The following CCDC180 variants were observed in gnomAD, a reference collection of about 807,000 sequenced individuals.
CCDC180 encodes coiled-coil domain-containing protein 180.
In CCDC180, 154 loss-of-function variants were observed where a neutral mutation model predicts 209.2. That is an observed-to-expected ratio of 0.74 (90% CI 0.65 to 0.84). The LOEUF (loss-of-function observed/expected upper bound fraction) is 0.84, where lower values mean the gene tolerates loss of function less well. Among genes scored for constraint, CCDC180 ranks in the 40% least tolerant of loss-of-function variants. The pLI, the probability that CCDC180 is intolerant of heterozygous loss-of-function variation, is 0.00. For synonymous variants in CCDC180, 778 were observed against 749.1 expected (o/e 1.04, Z -0.63); for missense variants, 1,874 against 1,997.3 (o/e 0.94, Z 1.18).
At chr9:97,349,570 T>C (rs148592816) in intron 21 of CCDC180, among the ~76,000 whole-genome samples, 1 of 152,198 alleles carries the variant, frequency 6.6e-6, no homozygotes, top group African/African-American at 2.4e-5. Context: ...GGAAGACCAC[T>C]TCCCCTCAGG....
At chr9:97,310,796 C>T (rs569142939) in intron 3 of CCDC180, among the ~76,000 whole-genome samples, 3 of 152,308 alleles carry the variant, frequency 2.0e-5, no homozygotes, top group Non-Finnish European at 2.9e-5. Context: ...GCTCTGAACT[C>T]CCAACAGATA....
chr9:97,309,634 A>G (rs1223643953), intron 3 of CCDC180, 30 bp downstream of exon 3: 1 of 1,496,188 alleles, frequency 6.7e-7, no homozygotes, highest in Non-Finnish European at 8.9e-7. Flanking sequence ...CCTCACCCCC[A>G]TGCACTAGGG....
Position 97,355,021 on chromosome 9 carries a change from C to G in CCDC180, c.3264+13C>G, listed in dbSNP as rs369365994. On this transcript the variant is annotated intron_variant, in intron 24 of 36. Coordinates refer to ENST00000529487, the MANE Select transcript of CCDC180 (RefSeq NM_020893.6). ...AATCAAGTGCCAGGTAGGATAGATT[C>G]ATTCTTCATCAAGGATCTTTATCAC... is the stretch of plus-strand genomic sequence containing the variant. The G allele has an allele frequency of 1.3e-6, 2 of 1,534,976 alleles. No individual in the cohort carries two copies. Among genetic ancestry groups the G allele is most frequent in the South Asian group, 1.1e-5 (1 of 89,398 alleles).
In CCDC180 at chr9:97,314,859, C is replaced by T. The variant is rs774570090; in HGVS notation, c.708C>T (p.Ser236=). ...TGCCTTGTCATTTCTAGCTAAAAAG[C>T]GTGTTGAAGAAATATGCAGAAGTCA... is the stretch of plus-strand genomic sequence containing the variant. ...LEFSRTDKLK[S]VLKKYAEVIE... is the part of the protein sequence containing the mutation. Residue 236 remains serine (S), a synonymous_variant, in exon 8 of 37, where the codon AGC becomes AGT. Transcript: ENST00000529487. 3.7e-6 allele frequency: 6 copies of T among 1,613,290 alleles called. No individual in the cohort carries two copies. The highest frequency in any genetic ancestry group is 1.1e-5 in the South Asian group (1 of 91,062).
At position 97,366,121 on chromosome 9, in the gene CCDC180, A is replaced by G. The variant is rs1368530098; in HGVS notation, c.4047+382A>G. Among the ~76,000 whole-genome samples, 12 of 152,198 alleles carry G rather than the reference A, an allele frequency of 7.9e-5. No individual in the cohort carries two copies. The East Asian group carries it at 2.3e-3, about 29-fold the overall frequency. ...AAGCTGCCCAGTGCCCTGTTCCCACATGCCCTGCACCGTAGTGCGAGTGCC... is the reference window on the plus strand; with the variant it reads ...AAGCTGCCCAGTGCCCTGTTCCCACGTGCCCTGCACCGTAGTGCGAGTGCC... On this transcript the variant is annotated intron_variant, in intron 30 of 36. Coordinates refer to ENST00000529487, the MANE Select transcript of CCDC180 (RefSeq NM_020893.6). This position sits in a 1 kb window ranked among gnomAD's most constrained non-coding sequence, Gnocchi z 4.3.
chr9:97,355,554 G>C (rs1826556692), intron 24 of CCDC180, among the ~76,000 whole-genome samples: 1 of 152,210 alleles, frequency 6.6e-6, no homozygotes, highest in Non-Finnish European at 1.5e-5. Context: ...GTCCTCACAA[G>C]AACTATAGGA....
At position 97,326,091 on chromosome 9, in the gene CCDC180, G is replaced by A. The variant is rs1833523761; in HGVS notation, c.1546-463G>A. Among the ~76,000 whole-genome samples, 3 of 152,190 alleles carry A rather than the reference G, an allele frequency of 2.0e-5. No homozygotes were observed. In the South Asian group the frequency reaches 6.2e-4, roughly 31 times the overall value. On this transcript the variant is annotated intron_variant, in intron 14 of 36. Coordinates refer to ENST00000529487, the MANE Select transcript of CCDC180 (RefSeq NM_020893.6). ...ATGTAGCAAATTGTGCACGTGTTGG[G>A]AATCATTTCAAAGCTCCATAACTGG... is the stretch of plus-strand genomic sequence containing the variant.
chr9:97,354,664 G>A lies in CCDC180; in HGVS notation c.3098G>A (p.Ser1033Asn), dbSNP rs1826521923. 2 of 1,614,232 alleles carry A rather than the reference G, an allele frequency of 1.2e-6. No individual in the cohort carries two copies. Among genetic ancestry groups the A allele is most frequent in the Non-Finnish European group, 8.5e-7 (1 of 1,180,044 alleles). ...GCTGCCCGGATAGAGTTGGTTGAAA[G>A]TGTCATCATGCTCAACATGGAGAAG... ...KEAARIELVE[S>N]VIMLNMEKLE... The change falls in exon 23 of 37, where the codon AGT becomes AAT. Residue 1033 changes from serine (S) to asparagine (N), a missense_variant. Coordinates refer to ENST00000529487, the MANE Select transcript of CCDC180 (RefSeq NM_020893.6).
chr9:97,321,522 G>T (rs978315865), intron 11 of CCDC180, among the ~76,000 whole-genome samples: 2 of 152,186 alleles, frequency 1.3e-5, no homozygotes, highest in African/African-American at 4.8e-5. Context: ...ACCTGCCATT[G>T]CTTCTAGGGC....
chr9:97,342,789 A>G (rs1826125772), intron 18 of CCDC180, among the ~76,000 whole-genome samples: 1 of 152,200 alleles, frequency 6.6e-6, no homozygotes, highest in Non-Finnish European at 1.5e-5. Flanking sequence ...CAAAAGCTCC[A>G]TATTCAAGCT....
At chr9:97,323,436 G>A (rs529469687) in intron 12 of CCDC180, among the ~76,000 whole-genome samples, 1 of 152,300 alleles carries the variant, frequency 6.6e-6, no homozygotes, top group East Asian at 1.9e-4. Context: ...ACCCAAGCAC[G>A]ACTGTGACTT....
upstream of CCDC180, chr9:97,307,615 C>G (rs1437119705): frequency 1.1e-6 from 1 of 902,482 alleles, no homozygotes; most frequent in Non-Finnish European, 1.8e-6. Flanking sequence ...GTCCCGGATG[C>G]GAATTCTGCG....
At chr9:97,361,646 G>A in intron 26 of CCDC180, 80 bp from the exon 27 acceptor site, 2 of 1,458,080 alleles carry the variant, frequency 1.4e-6, no homozygotes, top group South Asian at 1.3e-5. Context: ...CAGGGTGGGA[G>A]GGAACATGAA....
In CCDC180 at chr9:97,354,621, T is replaced by C. The variant is rs1826518226; in HGVS notation, c.3055T>C (p.Ser1019Pro). Residue 1019 changes from serine to proline, a missense_variant, in exon 23 of 37, where the codon TCC becomes CCC. By Grantham distance (74) the Ser-to-Pro change is moderately conservative. Coordinates refer to ENST00000529487, the MANE Select transcript of CCDC180 (RefSeq NM_020893.6). ...TCCTAAAGAAATCAATTCACTGTGT[T>C]CCCGACTGGAGAAGGAAGCTGCCCG... ...FSPKEINSLCSRLEKEAARIE... is the reference protein window; with the variant it reads ...FSPKEINSLCPRLEKEAARIE... 5.0e-6 allele frequency: 8 copies of C among 1,614,222 alleles called. No homozygotes were observed. The highest frequency in any genetic ancestry group is 6.8e-6 in the Non-Finnish European group (8 of 1,180,028).
In CCDC180 at chr9:97,316,955, C is replaced by CG. The variant is rs1485711760; in HGVS notation, c.796-110_796-109insG. On this transcript the variant is annotated intron_variant, in intron 8 of 36. Transcript: ENST00000529487. ...CCCTGCAACCACCCCACTTGGCCCTCACCCTGCACCTCCCCTCTCCAGCCT... is the reference window on the plus strand; with the variant it reads ...CCCTGCAACCACCCCACTTGGCCCTCGACCCTGCACCTCCCCTCTCCAGCCT... The CG allele has an allele frequency of 3.7e-6, 4 of 1,094,976 alleles. No individual in the cohort carries two copies. In the African/African-American group the frequency reaches 6.3e-5, roughly 17 times the overall value. 67.8% of individuals were successfully genotyped at this position (1,094,976 alleles called of 1,614,324 possible). A position where few individuals can be genotyped will look rare whatever the true frequency, so the allele number is the denominator to read the frequency against.
intron 26 of CCDC180, 43 bp from the exon 27 acceptor site, chr9:97,361,683 G>A (rs1468786343): frequency 6.2e-7 from 1 of 1,602,014 alleles, no homozygotes; most frequent in Non-Finnish European, 8.5e-7. Context: ...GCTGGCACCT[G>A]GGCTGGTCCT....
In CCDC180 at chr9:97,366,137, T is replaced by C. The variant is rs1826912960; in HGVS notation, c.4047+398T>C. Among the ~76,000 whole-genome samples, 1 of 152,158 alleles carries C rather than the reference T, an allele frequency of 6.6e-6. No individual in the cohort carries two copies. The highest frequency in any genetic ancestry group is 2.4e-5 in the African/African-American group (1 of 41,456). On this transcript the variant is annotated intron_variant, in intron 30 of 36. Transcript: ENST00000529487. The surrounding 1 kb of genome is among the most constrained non-coding windows in gnomAD (Gnocchi z 4.3). ...TGTTCCCACATGCCCTGCACCGTAG[T>C]GCGAGTGCCTTCTCCTGTCTGCCTC... is the stretch of plus-strand genomic sequence containing the variant.
intron 18 of CCDC180, 87 bp from the exon 19 acceptor site, chr9:97,343,253 C>T (rs1307760847): frequency 2.3e-6 from 2 of 884,610 alleles, no homozygotes; most frequent in Non-Finnish European, 3.5e-6. Context: ...ATTTGGTTTA[C>T]AACCTCTGAT....
At chr9:97,341,625 A>C (rs927482232) in intron 18 of CCDC180, among the ~76,000 whole-genome samples, 2 of 152,166 alleles carry the variant, frequency 1.3e-5, no homozygotes, top group African/African-American at 4.8e-5. Flanking sequence ...AAATTAGGCT[A>C]CACGGGTGTC....
Sources: gnomAD v4.1 joint callset for allele counts (sites outside exome capture counted in the v4.1 genomes callset) on GRCh38, gnomAD v4.1.1 for gene constraint, Gnocchi (gnomAD v3.1) non-coding constraint, MANE v1.5 for transcripts, NCBI Gene and HGNC (gene_info 2026-07-23, HGNC 2026-07-21) for gene names.